ADCK1: variants seen among roughly 807,000 people sequenced by gnomAD.
The protein encoded by ADCK1 is aarF domain containing kinase 1.
Under a neutral mutation model 52.3 loss-of-function variants are expected in ADCK1, and 41 were observed. The ratio of observed to expected loss-of-function variants is 0.78; its 90% CI spans 0.61 to 1.02. The LOEUF (loss-of-function observed/expected upper bound fraction) is 1.02. Among genes scored for constraint, ADCK1 ranks in the 50% least tolerant of loss-of-function variants. The pLI is 0.00. For missense variants in ADCK1, 658 were observed against 679.5 expected (o/e 0.97, Z 0.35); for synonymous variants, 250 against 274.6 (o/e 0.91, Z 0.89).
intron 3 of ADCK1, among the ~76,000 whole-genome samples, chr14:77,837,102 T>C (rs1322913877): frequency 1.3e-5 from 2 of 152,014 alleles, no homozygotes; most frequent in African/African-American, 4.8e-5. Flanking sequence ...ACAACTGTCA[T>C]TGGATTTAGG....
intron 3 of ADCK1, among the ~76,000 whole-genome samples, chr14:77,852,774 C>A (rs2082327156): frequency 7.4e-6 from 1 of 135,338 alleles, no homozygotes; most frequent in Non-Finnish European, 1.6e-5. Flanking sequence ...ATTTGTTCCA[C>A]AGTTCACTGA....
chr14:77,914,445 G>A lies in ADCK1; in HGVS notation c.858+6526G>A, dbSNP rs570926101. On this transcript the variant is annotated intron_variant, in intron 7 of 10. Coordinates refer to ENST00000238561, the MANE Select transcript of ADCK1 (RefSeq NM_020421.4). ...CATTCTGTGTCATTGCAGGAGCAGC[G>A]AAAAGGTCTCACATTTGCTTTCAGC... 1.1e-4 allele frequency: 107 copies of A among 985,454 alleles called. No homozygotes were observed. In the African/African-American group the frequency reaches 1.8e-3, roughly 16 times the overall value. 61.0% of individuals were successfully genotyped at this position (985,454 alleles called of 1,614,324 possible). A position where few individuals can be genotyped will look rare whatever the true frequency, so the allele number is the denominator to read the frequency against.
intron 1 of ADCK1, among the ~76,000 whole-genome samples, chr14:77,807,038 CTT>C (rs770430499): frequency 0.016 from 1,561 of 98,978 alleles, 29 homozygotes; most frequent in African/African-American, 0.058. Flanking sequence ...CTCTCTCTCT[CTT>C]TTTTTTTTTT....
At chr14:77,895,918 G>A (rs1244096609) in intron 5 of ADCK1, among the ~76,000 whole-genome samples, 1 of 152,082 alleles carries the variant, frequency 6.6e-6, no homozygotes, top group Non-Finnish European at 1.5e-5. Context: ...CCATAAATCT[G>A]AGAACCACTG....
intron 4 of ADCK1, among the ~76,000 whole-genome samples, chr14:77,886,001 A>G (rs1484653253): frequency 1.3e-5 from 2 of 152,222 alleles, no homozygotes; most frequent in Non-Finnish European, 2.9e-5. Context: ...AGGAAGAAAG[A>G]AGAAGGAAGA....
chr14:77,838,433 G>A (rs2082002775), intron 3 of ADCK1, among the ~76,000 whole-genome samples: 1 of 152,138 alleles, frequency 6.6e-6, no homozygotes. Context: ...TGTCACTCTT[G>A]TCGCTCAGGG....
chr14:77,819,101 A>G lies in ADCK1; in HGVS notation c.123A>G (p.Arg41=). 3 of 1,598,506 alleles carry G rather than the reference A, an allele frequency of 1.9e-6. No individual in the cohort carries two copies. Among genetic ancestry groups the G allele is most frequent in the Non-Finnish European group, 2.6e-6 (3 of 1,173,546 alleles). The change falls in exon 2 of 11, where the codon AGA becomes AGG. Residue 41 remains arginine, a synonymous_variant. Transcript: ENST00000238561. The part of the protein sequence containing the change: ...PNDFGAVRVG[R]AVATTAVISY... ...ACTTTGGCGCTGTCAGGGTGGGCAG[A>G]GCAGTTGCTACGGTAGGTTTTTCCC...
intron 6 of ADCK1, chr14:77,902,796 TTTC>T (rs2083575994): frequency 6.6e-6 from 1 of 152,252 alleles, no homozygotes; most frequent in African/African-American, 2.4e-5. Context: ...ATATTGATTA[TTTC>T]TTCTTCATCA....
chr14:77,917,642 A>G (rs554282893), intron 7 of ADCK1, among the ~76,000 whole-genome samples: 20 of 152,338 alleles, frequency 1.3e-4, no homozygotes, highest in Non-Finnish European at 1.6e-4. Context: ...GAATAAAGGC[A>G]TTGCATAATA....
At chr14:77,810,399 G>A (rs1169464847) in intron 1 of ADCK1, among the ~76,000 whole-genome samples, 2 of 152,210 alleles carry the variant, frequency 1.3e-5, no homozygotes, top group East Asian at 1.9e-4. Context: ...AATGGCATGA[G>A]CCACCACGCC....
chr14:77,882,800 G>T (rs1242853210), intron 4 of ADCK1, among the ~76,000 whole-genome samples: 1 of 152,230 alleles, frequency 6.6e-6, no homozygotes, highest in Admixed American at 6.5e-5. Flanking sequence ...GGACTCTGCA[G>T]GGTGGAGTTT....
intron 6 of ADCK1, among the ~76,000 whole-genome samples, chr14:77,901,309 CA>C (rs1370484203): frequency 6.6e-6 from 1 of 151,454 alleles, no homozygotes; most frequent in Non-Finnish European, 1.5e-5. Flanking sequence ...TTTGGCCTCC[CA>C]AAGTGCTGAG....
chr14:77,822,549 G>A, intron 3 of ADCK1, 31 bp downstream of exon 3: 1 of 1,555,856 alleles, frequency 6.4e-7, no homozygotes, highest in Non-Finnish European at 8.9e-7. Context: ...ATCTGAGCCA[G>A]GCCAGGACTG....
At chr14:77,842,897 T>TTC (rs1566657997) in intron 3 of ADCK1, among the ~76,000 whole-genome samples, 4 of 150,472 alleles carry the variant, frequency 2.7e-5, no homozygotes, top group South Asian at 2.1e-4. Context: ...TCTTTCTTTT[T>TTC]TTTTTTTTTT....
chr14:77,855,957 C>T (rs1344543618), intron 3 of ADCK1, among the ~76,000 whole-genome samples: 1 of 152,080 alleles, frequency 6.6e-6, no homozygotes, highest in African/African-American at 2.4e-5. Flanking sequence ...AATCCCAACA[C>T]TTTGGGATTA....
chr14:77,841,459 A>G (rs1317325922), intron 3 of ADCK1, among the ~76,000 whole-genome samples: 1 of 152,060 alleles, frequency 6.6e-6, no homozygotes, highest in African/African-American at 2.4e-5. Context: ...AAAACTCTAT[A>G]TAAAAAATTT....
At chr14:77,877,187 C>T (rs1209077048) in intron 4 of ADCK1, among the ~76,000 whole-genome samples, 1 of 152,188 alleles carries the variant, frequency 6.6e-6, no homozygotes, top group Non-Finnish European at 1.5e-5. Context: ...TGCACTCCAG[C>T]CTGGGCAACA....
At chr14:77,847,639 G>A (rs2082198724) in intron 3 of ADCK1, among the ~76,000 whole-genome samples, 1 of 152,170 alleles carries the variant, frequency 6.6e-6, no homozygotes, top group African/African-American at 2.4e-5. Context: ...CCTTTGAAGG[G>A]TTATCGTTGA....
intron 3 of ADCK1, among the ~76,000 whole-genome samples, chr14:77,831,480 T>G (rs896548898): frequency 1.3e-5 from 2 of 152,218 alleles, no homozygotes; most frequent in Non-Finnish European, 2.9e-5. Context: ...TACATCTAAC[T>G]TTGCTTAGGA....
Sources: allele counts gnomAD v4.1 joint callset (sites outside exome capture counted in the v4.1 genomes callset), GRCh38; gene constraint gnomAD v4.1.1; transcripts MANE v1.5; gene names NCBI Gene and HGNC (gene_info 2026-07-23, HGNC 2026-07-21).